The following SOD2 variants were observed in gnomAD, a reference collection of about 807,000 sequenced individuals.
The protein encoded by SOD2 is superoxide dismutase [Mn], mitochondrial.
A neutral mutation model predicts 27.0 loss-of-function variants in SOD2; 11 were observed. The observed-to-expected ratio is 0.41, with a 90% CI of 0.26 to 0.67. The LOEUF is 0.67. Ranked by LOEUF, SOD2 falls within the 30% of genes least tolerant of loss-of-function variation. The probability of loss-of-function intolerance (pLI) is 0.34; values close to 1 mark genes in which losing one functional copy is unlikely to be tolerated. For synonymous variants in SOD2, 105 were observed against 103.0 expected, an observed-to-expected ratio of 1.02 and a Z score of -0.12; for missense variants, 250 against 274.5, an observed-to-expected ratio of 0.91 and a Z score of 0.63.
chr6:159,744,030 G>GTCC (rs967857509), intron 1 of SOD2, among the ~76,000 whole-genome samples: 1 of 152,032 alleles, frequency 6.6e-6, no homozygotes, highest in African/African-American at 2.4e-5. Flanking sequence ...TGCCTTATAA[G>GTCC]TATTAGTTCA....
chr6:159,727,570 G>A, upstream of SOD2: 1 of 987,502 alleles, frequency 1.0e-6, no homozygotes, highest in Non-Finnish European at 1.2e-6. Context: ...GGTTGCGGCG[G>A]GACTAGGAGC....
At position 159,704,050 on chromosome 6, in the gene SOD2, C is replaced by G. The variant is rs1347984670; in HGVS notation, c.-115-11187G>C. ...CCTGTAATCCCAGCACTTTGGGAAGCTGAGGCATGCAGATCATGAGGTCAA... is the reference window on the plus strand; with the variant it reads ...CCTGTAATCCCAGCACTTTGGGAAGGTGAGGCATGCAGATCATGAGGTCAA... On this transcript the variant is annotated intron_variant, in intron 1 of 2. Transcript: ENST00000401980. 2.0e-5 allele frequency among the ~76,000 whole-genome samples: 3 copies of G among 152,186 alleles called. No homozygotes were observed. The East Asian group carries it at 5.8e-4, about 29-fold the overall frequency.
intron 1 of SOD2, among the ~76,000 whole-genome samples, chr6:159,716,217 T>A (rs567207910): frequency 1.3e-5 from 2 of 152,196 alleles, no homozygotes; most frequent in South Asian, 4.1e-4. Flanking sequence ...TGAACAGTGG[T>A]TTTAAATATA....
At chr6:159,729,419 C>T (rs897822215), upstream of SOD2, among the ~76,000 whole-genome samples, 1 of 152,158 alleles carries the variant, frequency 6.6e-6, no homozygotes. Context: ...TAGTAAACTT[C>T]ATTGTGTATT....
chr6:159,689,276 C>T (rs1283044676), intron 2 of SOD2, among the ~76,000 whole-genome samples: 3 of 152,210 alleles, frequency 2.0e-5, no homozygotes, highest in Admixed American at 6.5e-5. Context: ...CCTGTTCCTC[C>T]TTCAAGTCTC....
At chr6:159,728,628 A>C (rs993122961), upstream of SOD2, among the ~76,000 whole-genome samples, 2 of 152,240 alleles carry the variant, frequency 1.3e-5, no homozygotes, top group African/African-American at 4.8e-5. Flanking sequence ...ATAGATAAAC[A>C]TGTTGTGGAC....
chr6:159,738,142 T>C (rs763627287), intron 1 of SOD2, among the ~76,000 whole-genome samples: 2 of 152,220 alleles, frequency 1.3e-5, no homozygotes, highest in Non-Finnish European at 2.9e-5. Context: ...TGCACTATTA[T>C]CATGTCTAGC....
rs1779897131 is a variant in SOD2 at position 159,680,409 on chromosome 6, C to G, written c.*2084G>C. The G allele has an allele frequency of 6.6e-6, 1 of 152,150 alleles. No individual in the cohort carries two copies. The highest frequency in any genetic ancestry group is 6.5e-5 in the Admixed American group (1 of 15,272). 9.4% of individuals were successfully genotyped at this position (152,150 alleles called of 1,614,324 possible). A position where few individuals can be genotyped will look rare whatever the true frequency, so the allele number is the denominator to read the frequency against. Reference sequence around the variant, plus strand: ...ATCCACAAGCATGCATACACACACACACATACACACACCGCTTTGGTACTC... The same window carrying G: ...ATCCACAAGCATGCATACACACACAGACATACACACACCGCTTTGGTACTC... On this transcript the variant is annotated 3_prime_UTR_variant, in exon 5 of 5. Transcript: ENST00000538183.
upstream of SOD2, among the ~76,000 whole-genome samples, chr6:159,731,422 C>T (rs964671567): frequency 2.0e-5 from 3 of 151,982 alleles, no homozygotes; most frequent in African/African-American, 4.8e-5. Flanking sequence ...GAGCTGTGAT[C>T]GAGTCACTGC....
At chr6:159,743,803 C>G (rs370153583) in intron 1 of SOD2, 24 of 1,592,366 alleles carry the variant, frequency 1.5e-5, no homozygotes, top group Non-Finnish European at 2.0e-5. Flanking sequence ...GTAAGTATTT[C>G]AAGTTATATA....
chr6:159,701,139 C>T (rs537544814), intron 1 of SOD2, among the ~76,000 whole-genome samples: 4 of 152,236 alleles, frequency 2.6e-5, no homozygotes, highest in African/African-American at 9.6e-5. Context: ...AGGCCAATCC[C>T]TGGAGATTTG....
At chr6:159,684,818 T>C (rs368528190) in intron 4 of SOD2, 36 bp downstream of exon 4, 131 of 1,536,484 alleles carry the variant, frequency 8.5e-5, no homozygotes, top group Middle Eastern at 5.1e-4. Flanking sequence ...CAGTAGAGCA[T>C]CTCTCCCAAA....
At chr6:159,758,255 GAAA>G (rs71742935) in intron 1 of SOD2, among the ~76,000 whole-genome samples, 28 of 141,620 alleles carry the variant, frequency 2.0e-4, no homozygotes, top group Admixed American at 8.5e-4. Flanking sequence ...GGGCTGCTGT[GAAA>G]AAAAAAAAAA....
intron 1 of SOD2, among the ~76,000 whole-genome samples, chr6:159,756,594 CTT>C (rs3066261): frequency 0.022 from 2,077 of 94,338 alleles, 51 homozygotes; most frequent in African/African-American, 0.072. Context: ...ATTTCTTAGG[CTT>C]TTTTTTTTTT....
At chr6:159,711,696 AC>A (rs1777776155) in intron 1 of SOD2, among the ~76,000 whole-genome samples, 1 of 108,386 alleles carries the variant, frequency 9.2e-6, no homozygotes, top group South Asian at 3.1e-4. Flanking sequence ...CTCCATAACC[AC>A]CACTCACACT....
chr6:159,703,026 G>A (rs1017793063), intron 1 of SOD2, among the ~76,000 whole-genome samples: 1 of 150,804 alleles, frequency 6.6e-6, no homozygotes, highest in Non-Finnish European at 1.5e-5. Flanking sequence ...TAAAAAAAAT[G>A]GCTTCCGGCC....
At chr6:159,734,812 TTA>T (rs1311853401) in intron 1 of SOD2, among the ~76,000 whole-genome samples, 8 of 152,210 alleles carry the variant, frequency 5.3e-5, no homozygotes, top group Non-Finnish European at 7.3e-5. Context: ...TATAAAGATT[TTA>T]TGTTTGTCAG....
chr6:159,725,773 AT>A (rs1365843674), intron 1 of SOD2: 18 of 151,770 alleles, frequency 1.2e-4, no homozygotes, highest in African/African-American at 4.4e-4. Flanking sequence ...ATAAATATAT[AT>A]TTTTATGTAT....
rs923816932 is a variant in SOD2 at position 159,670,815 on chromosome 6, G to A, written c.*11678C>T. ...GGCATGGCCTCACCCGGGAAGGCAAGGGGTCAGGGAATTCCCTTTCCTAGC... is the reference window on the plus strand; with the variant it reads ...GGCATGGCCTCACCCGGGAAGGCAAAGGGTCAGGGAATTCCCTTTCCTAGC... On this transcript the variant is annotated 3_prime_UTR_variant, in exon 5 of 5. Coordinates refer to ENST00000538183, the MANE Select transcript of SOD2 (RefSeq NM_000636.4). The A allele has an allele frequency of 6.6e-6, 1 of 152,434 alleles. No homozygotes were observed. The highest frequency in any genetic ancestry group is 1.5e-5 in the Non-Finnish European group (1 of 68,210). The allele number at this position is 152,434 out of a possible 1,614,324, so 9.4% of individuals were successfully genotyped here. A position where few individuals can be genotyped will look rare whatever the true frequency, so the allele number is the denominator to read the frequency against.
Sources: allele counts gnomAD v4.1 joint callset (sites outside exome capture counted in the v4.1 genomes callset), GRCh38; gene constraint gnomAD v4.1.1; transcripts MANE v1.5; gene names NCBI Gene and HGNC (gene_info 2026-07-23, HGNC 2026-07-21).